The following IPO8 variants were observed in gnomAD, a reference collection of about 807,000 sequenced individuals.
The protein encoded by IPO8 is importin 8, also known as importin-8.
Under a neutral mutation model 141.2 loss-of-function variants are expected in IPO8, and 65 were observed. The observed-to-expected ratio is 0.46, with a 90% CI of 0.38 to 0.57. The LOEUF (loss-of-function observed/expected upper bound fraction) is 0.57, where lower values mean the gene tolerates loss of function less well. IPO8 is among the 20% of genes least tolerant of loss of function. The pLI, the probability that IPO8 is intolerant of heterozygous loss-of-function variation, is 0.00. For missense variants in IPO8, 980 were observed against 1,246.8 expected (o/e 0.79, Z 3.22); for synonymous variants, 411 against 420.3 (o/e 0.98, Z 0.27).
intron 20 of IPO8, among the ~76,000 whole-genome samples, chr12:30,644,661 T>TG (rs2052619025): frequency 2.0e-5 from 3 of 151,262 alleles, no homozygotes; most frequent in Non-Finnish European, 4.4e-5. Context: ...TTGTTTTTTT[T>TG]TTTTTTTGGA....
At chr12:30,659,985 G>A (rs963813786) in intron 16 of IPO8, among the ~76,000 whole-genome samples, 1 of 152,280 alleles carries the variant, frequency 6.6e-6, no homozygotes, top group South Asian at 2.1e-4. Flanking sequence ...CACTTTGGGA[G>A]GCTGAAGCGG....
At chr12:30,641,273 C>T (rs1471447535) in intron 20 of IPO8, among the ~76,000 whole-genome samples, 4 of 152,010 alleles carry the variant, frequency 2.6e-5, no homozygotes, top group Admixed American at 1.3e-4. Context: ...AGTATGCTAC[C>T]GTTTACCTAA....
chr12:30,683,280 A>T (rs1263657580), intron 3 of IPO8, among the ~76,000 whole-genome samples: 1 of 152,194 alleles, frequency 6.6e-6, no homozygotes, highest in Non-Finnish European at 1.5e-5. Flanking sequence ...CTTTTTAACC[A>T]GTACACCTAT....
rs1390196235 is a variant in IPO8 at position 30,637,187 on chromosome 12, C to T, written c.2490G>A (p.Gly830=). 5.0e-6 allele frequency: 8 copies of T among 1,608,630 alleles called. No individual in the cohort carries two copies. The East Asian group carries it at 8.9e-5, about 18-fold the overall frequency. ...TTATACACATCTTCCGGTCATGATG[C>T]CTGCAAATTTTGAAGAAAAAAAAAA... The part of the protein sequence containing the change: ...QWMNDTDCFL[G]HHDRKMCIIG... Residue 830 remains glycine (G), a splice_region_variant and synonymous_variant, in exon 22 of 25, where the codon GGG becomes GGA. Coordinates refer to ENST00000256079, the MANE Select transcript of IPO8 (RefSeq NM_006390.4).
chr12:30,647,244 A>G (rs1283327463), intron 20 of IPO8, among the ~76,000 whole-genome samples: 2 of 152,194 alleles, frequency 1.3e-5, no homozygotes, highest in African/African-American at 4.8e-5. Context: ...AAACAACTTC[A>G]TAACTACATG....
rs763895499 is a variant in IPO8, at chr12:30,669,223, C to T, written c.1104G>A (p.Leu368=). The part of the protein sequence containing the change: ...VMCYKDEDEE[L]WQEDPYEYIR... The stretch of plus-strand genomic sequence containing the variant: ...TATACTCATATGGATCTTCTTGCCA[C>T]AGCTCTTCATCCTCATCTTTATAAC... The change falls in exon 10 of 25, where the codon CTG becomes CTA. Residue 368 remains leucine (L), a synonymous_variant. Coordinates refer to ENST00000256079, the MANE Select transcript of IPO8 (RefSeq NM_006390.4). 4 of 1,595,580 alleles carry T rather than the reference C, an allele frequency of 2.5e-6. No individual in the cohort carries two copies. Among genetic ancestry groups the T allele is most frequent in the Non-Finnish European group, 2.6e-6 (3 of 1,172,232 alleles).
chr12:30,663,784 T>G, intron 13 of IPO8, 130 bp from the exon 14 acceptor site: 3 of 604,884 alleles, frequency 5.0e-6, no homozygotes, highest in Non-Finnish European at 4.9e-6. Context: ...GGTAACACAG[T>G]AGCCTTAGTT....
Position 30,695,455 on chromosome 12 carries a change from G to A in IPO8, c.84+109C>T. On this transcript the variant is annotated intron_variant, in intron 1 of 24. Transcript: ENST00000256079. The surrounding 1 kb of genome is among the most constrained non-coding windows in gnomAD (Gnocchi z 4.2). ...GAGCGGGACCAGCCGTGAGGCGTCA[G>A]CCCCAGCCCGGTGGGGGTGAGGACG... is the stretch of plus-strand genomic sequence containing the variant. 2 of 924,796 alleles carry A rather than the reference G, an allele frequency of 2.2e-6. No individual in the cohort carries two copies. The highest frequency in any genetic ancestry group is 3.4e-6 in the Non-Finnish European group (2 of 587,034). 57.3% of individuals were successfully genotyped at this position (924,796 alleles called of 1,614,324 possible).
intron 1 of IPO8, among the ~76,000 whole-genome samples, chr12:30,694,368 C>T (rs933599643): frequency 6.6e-6 from 1 of 152,198 alleles, no homozygotes; most frequent in Non-Finnish European, 1.5e-5. Flanking sequence ...GCAGTGTCTT[C>T]ACTCTCCCTT....
chr12:30,654,603 A>G (rs752000617), intron 17 of IPO8, among the ~76,000 whole-genome samples: 38 of 152,250 alleles, frequency 2.5e-4, no homozygotes, highest in Admixed American at 3.9e-4. Context: ...AATGGCCAAC[A>G]AGTATACAAA....
chr12:30,650,660 T>C (rs138034184), intron 19 of IPO8, among the ~76,000 whole-genome samples: 34 of 152,216 alleles, frequency 2.2e-4, no homozygotes, highest in Non-Finnish European at 3.1e-4. Context: ...GGTCGTATGA[T>C]ACAAAAAGAA....
chr12:30,672,984 C>T (rs768764258), intron 8 of IPO8, among the ~76,000 whole-genome samples: 9 of 151,992 alleles, frequency 5.9e-5, no homozygotes, highest in East Asian at 3.9e-4. Context: ...GAGCCGGGCA[C>T]GGTGATTCAC....
At chr12:30,672,117 A>C (rs1030003484) in intron 8 of IPO8, among the ~76,000 whole-genome samples, 1 of 152,222 alleles carries the variant, frequency 6.6e-6, no homozygotes, top group African/African-American at 2.4e-5. Flanking sequence ...GAACTGGCTC[A>C]AGGACCTTTA....
chr12:30,638,730 G>A (rs914032696), intron 21 of IPO8, among the ~76,000 whole-genome samples: 7 of 151,990 alleles, frequency 4.6e-5, no homozygotes, highest in South Asian at 4.2e-4. Flanking sequence ...GCAGTGGCAC[G>A]ATCTCAGCTC....
Position 30,694,615 on chromosome 12 carries a change from T to G in IPO8, c.84+949A>C, listed in dbSNP as rs142525703. On this transcript the variant is annotated intron_variant, in intron 1 of 24. Transcript: ENST00000256079. ...AGTTTCTGATTCGTTAAGTCTGGAC[T>G]GAAGCCCCGTAATTTGCATAATTTG... Among the ~76,000 whole-genome samples the G allele has an allele frequency of 2.6e-3, 399 of 152,324 alleles. 4 individuals are homozygous for G. The highest frequency in any genetic ancestry group is 9.1e-3 in the African/African-American group (379 of 41,572).
chr12:30,641,098 T>C (rs2052568227), intron 20 of IPO8, among the ~76,000 whole-genome samples: 1 of 152,140 alleles, frequency 6.6e-6, no homozygotes, highest in Admixed American at 6.5e-5. Flanking sequence ...AAGAATTCCA[T>C]TATATTAAAA....
chr12:30,637,037 T>C lies in IPO8; in HGVS notation c.2640A>G (p.Gln880=). The change falls in exon 22 of 25, where the codon CAA becomes CAG. Residue 880 remains glutamine, a synonymous_variant. Transcript: ENST00000256079. ...TTGAACGATCTTCCCGGTTTACCAG[T>C]TGTCTAGTAGCACAGACCTGCTTTA... ...LGLKQVCATR[Q]LVNREDRSKA... The C allele has an allele frequency of 6.2e-7, 1 of 1,614,114 alleles. No homozygotes were observed. Among genetic ancestry groups the C allele is most frequent in the Non-Finnish European group, 8.5e-7 (1 of 1,179,968 alleles).
At chr12:30,659,631 C>A (rs893665075) in intron 16 of IPO8, among the ~76,000 whole-genome samples, 3 of 151,734 alleles carry the variant, frequency 2.0e-5, no homozygotes, top group Non-Finnish European at 4.4e-5. Context: ...GTGGGCGGAT[C>A]ACGAGGTCAG....
intron 20 of IPO8, among the ~76,000 whole-genome samples, chr12:30,644,110 G>A (rs1591824500): frequency 6.6e-6 from 1 of 152,318 alleles, no homozygotes; most frequent in East Asian, 1.9e-4. Flanking sequence ...GTTCACACCT[G>A]TAATCCCAGA....
Sources: gnomAD v4.1 joint callset for allele counts (sites outside exome capture counted in the v4.1 genomes callset) on GRCh38, gnomAD v4.1.1 for gene constraint, Gnocchi (gnomAD v3.1) non-coding constraint, MANE v1.5 for transcripts, NCBI Gene and HGNC (gene_info 2026-07-23, HGNC 2026-07-21) for gene names.